Variants in TAFA4 observed in about 807,000 individuals in gnomAD.
TAFA4 encodes chemokine-like protein TAFA-4.
TAFA4 carries 20 observed loss-of-function variants against 21.1 expected under a neutral mutation model. That is an observed-to-expected ratio of 0.95 (90% confidence interval 0.67 to 1.38). The LOEUF (loss-of-function observed/expected upper bound fraction) is 1.38, where lower values mean the gene tolerates loss of function less well. Ranked by LOEUF, TAFA4 falls within the 40% of genes most tolerant of loss-of-function variation. The pLI, the probability that TAFA4 is intolerant of heterozygous loss-of-function variation, is 0.00. For missense variants in TAFA4, 211 were observed against 180.9 expected (o/e 1.17, Z -0.95); for synonymous variants, 71 against 67.4 (o/e 1.05, Z -0.26).
rs147436920 is a variant in TAFA4 at position 68,763,869 on chromosome 3, T to TACACACACAC, written c.131-10861_131-10852dup. On this transcript the variant is annotated intron_variant, in intron 3 of 5. Coordinates refer to ENST00000295569, the MANE Select transcript of TAFA4 (RefSeq NM_182522.5). ...TTGGTCTTTAGTATGTATGACAGAC[T>TACACACACAC]ACACACACACACACACACACACACA... Among the ~76,000 whole-genome samples, 1,171 of 147,342 alleles carry TACACACACAC rather than the reference T, an allele frequency of 7.9e-3. 10 individuals are homozygous for TACACACACAC. The highest frequency in any genetic ancestry group is 0.026 in the African/African-American group (1,026 of 40,096).
chr3:68,745,700 C>T (rs1470260463), intron 4 of TAFA4, among the ~76,000 whole-genome samples: 2 of 152,206 alleles, frequency 1.3e-5, no homozygotes, highest in South Asian at 4.1e-4. Context: ...ATTCTTTTCC[C>T]AAATAAACAT....
intron 3 of TAFA4, among the ~76,000 whole-genome samples, chr3:68,845,125 G>C (rs1006983981): frequency 1.3e-5 from 2 of 152,070 alleles, no homozygotes; most frequent in Non-Finnish European, 2.9e-5. Flanking sequence ...AAAGTCTCCC[G>C]CTGTTATTGT....
chr3:68,854,975 A>G (rs1042487549), intron 3 of TAFA4, among the ~76,000 whole-genome samples: 4 of 152,192 alleles, frequency 2.6e-5, no homozygotes, highest in Non-Finnish European at 4.4e-5. Context: ...ATATAATTCT[A>G]ACACCCTTGG....
At chr3:68,773,391 C>T (rs80195375) in intron 3 of TAFA4, among the ~76,000 whole-genome samples, 2 of 152,312 alleles carry the variant, frequency 1.3e-5, no homozygotes, top group African/African-American at 4.8e-5. Flanking sequence ...CCTCCTGAAA[C>T]ATCAATGTGT....
At chr3:68,784,937 T>G (rs1703223249) in intron 3 of TAFA4, among the ~76,000 whole-genome samples, 1 of 152,094 alleles carries the variant, frequency 6.6e-6, no homozygotes, top group Admixed American at 6.5e-5. Flanking sequence ...GAGTGTCGAT[T>G]GGTGCATTCA....
chr3:68,749,651 A>G (rs575867304), intron 4 of TAFA4, among the ~76,000 whole-genome samples: 1 of 152,344 alleles, frequency 6.6e-6, no homozygotes, highest in East Asian at 1.9e-4. Flanking sequence ...TCCAATAAAC[A>G]TTTATTGAAC....
chr3:68,777,759 G>C (rs186626349), intron 3 of TAFA4, among the ~76,000 whole-genome samples: 1 of 152,244 alleles, frequency 6.6e-6, no homozygotes. Flanking sequence ...CATAGACAAT[G>C]GTGGAAGTAT....
chr3:68,831,985 G>T (rs948054591), intron 3 of TAFA4, among the ~76,000 whole-genome samples: 2 of 152,080 alleles, frequency 1.3e-5, no homozygotes, highest in Non-Finnish European at 2.9e-5. Context: ...ACTGAAGCTT[G>T]TGTATGCTTC....
At chr3:68,824,835 G>A (rs967749050) in intron 3 of TAFA4, among the ~76,000 whole-genome samples, 2 of 152,100 alleles carry the variant, frequency 1.3e-5, no homozygotes, top group East Asian at 1.9e-4. Flanking sequence ...TGACTCTAAC[G>A]GCAGCTACTT....
chr3:68,762,553 C>G (rs1702775764), intron 3 of TAFA4, among the ~76,000 whole-genome samples: 1 of 152,102 alleles, frequency 6.6e-6, no homozygotes, highest in African/African-American at 2.4e-5. Flanking sequence ...AGCCGATGGT[C>G]TATTTGCAGG....
intron 3 of TAFA4, among the ~76,000 whole-genome samples, chr3:68,796,391 G>A (rs1345665359): frequency 6.6e-6 from 1 of 152,060 alleles, no homozygotes. Context: ...TTGGCCTTAG[G>A]AACCAAAAAG....
chr3:68,905,401 C>T (rs1395015576), intron 1 of TAFA4, among the ~76,000 whole-genome samples: 3 of 152,058 alleles, frequency 2.0e-5, no homozygotes, highest in Admixed American at 2.0e-4. Flanking sequence ...ATCTCCTGAC[C>T]TCATGATCCG....
At chr3:68,861,671 C>G (rs1243551331) in intron 3 of TAFA4, among the ~76,000 whole-genome samples, 8 of 151,890 alleles carry the variant, frequency 5.3e-5, no homozygotes, top group Non-Finnish European at 7.4e-5. Context: ...GTGAGCCAAC[C>G]CCCCCAGCCC....
At chr3:68,753,808 G>A (rs1338444301) in intron 3 of TAFA4, among the ~76,000 whole-genome samples, 1 of 152,206 alleles carries the variant, frequency 6.6e-6, no homozygotes, top group Non-Finnish European at 1.5e-5. Context: ...ACAACCTCAA[G>A]AACTGCCAAT....
intron 1 of TAFA4, among the ~76,000 whole-genome samples, chr3:68,929,790 A>T (rs13324145): frequency 7.2e-5 from 11 of 152,140 alleles, no homozygotes; most frequent in Non-Finnish European, 1.5e-4. Context: ...AATACCCAAA[A>T]CTCTCAAACT....
intron 4 of TAFA4, among the ~76,000 whole-genome samples, chr3:68,739,907 C>T (rs1335976181): frequency 1.3e-5 from 2 of 152,184 alleles, no homozygotes; most frequent in African/African-American, 2.4e-5. Context: ...TTAAGGGGTA[C>T]AAAGTACACT....
chr3:68,876,551 G>A (rs767231920), intron 3 of TAFA4, among the ~76,000 whole-genome samples: 7 of 152,218 alleles, frequency 4.6e-5, no homozygotes, highest in Admixed American at 1.3e-4. Context: ...CTAAAACAGC[G>A]TATGCTATTT....
intron 3 of TAFA4, among the ~76,000 whole-genome samples, chr3:68,873,063 T>G (rs764721188): frequency 6.6e-6 from 1 of 152,072 alleles, no homozygotes; most frequent in Non-Finnish European, 1.5e-5. Context: ...TGATCTTTCA[T>G]CACACATTCC....
At chr3:68,854,180 C>A (rs937756221) in intron 3 of TAFA4, among the ~76,000 whole-genome samples, 10 of 152,046 alleles carry the variant, frequency 6.6e-5, no homozygotes, top group African/African-American at 2.4e-4. Context: ...GTTCTCAATG[C>A]AATGGAGGAA....
Sources: gnomAD v4.1 joint callset for allele counts (sites outside exome capture counted in the v4.1 genomes callset) on GRCh38, gnomAD v4.1.1 for gene constraint, MANE v1.5 for transcripts, NCBI Gene and HGNC (gene_info 2026-07-23, HGNC 2026-07-21) for gene names.